The following KCNMA1 variants were observed in gnomAD, a reference collection of about 807,000 sequenced individuals.
The protein encoded by KCNMA1 is Calcium-activated potassium channel subunit alpha-1.
Under a neutral mutation model 140.0 loss-of-function variants are expected in KCNMA1, and 29 were observed. That is an observed-to-expected ratio of 0.21 (90% CI 0.15 to 0.28). The LOEUF (loss-of-function observed/expected upper bound fraction) is 0.28. Ranked by LOEUF, KCNMA1 falls within the 10% of genes least tolerant of loss-of-function variation. The pLI, the probability that KCNMA1 is intolerant of heterozygous loss-of-function variation, is 1.00. For synonymous variants in KCNMA1, 612 were observed against 611.9 expected, an observed-to-expected ratio of 1.00 and a Z score of 0.00; for missense variants, 880 against 1,602.2, an observed-to-expected ratio of 0.55 and a Z score of 7.70.
intron 6 of KCNMA1, among the ~76,000 whole-genome samples, chr10:77,114,494 C>T (rs752278269): frequency 1.3e-5 from 2 of 152,214 alleles, no homozygotes; most frequent in South Asian, 4.1e-4. Flanking sequence ...CTTGTGAAGT[C>T]CCAGTCTCTC....
At chr10:77,117,013 A>G (rs1014016025) in intron 6 of KCNMA1, among the ~76,000 whole-genome samples, 1 of 152,160 alleles carries the variant, frequency 6.6e-6, no homozygotes, top group East Asian at 1.9e-4. Context: ...TACAAACTTT[A>G]TCTTGGAGCC....
At chr10:77,125,418 G>C (rs1179413197) in intron 5 of KCNMA1, among the ~76,000 whole-genome samples, 1 of 152,178 alleles carries the variant, frequency 6.6e-6, no homozygotes. Flanking sequence ...GTATGCTACT[G>C]CCCCAGGGCC....
At chr10:77,142,512 C>A (rs186364230) in intron 5 of KCNMA1, among the ~76,000 whole-genome samples, 2 of 152,038 alleles carry the variant, frequency 1.3e-5, no homozygotes, top group African/African-American at 4.8e-5. Context: ...GACATACATA[C>A]GCAAAAGGGC....
intron 1 of KCNMA1, chr10:77,635,288 A>G (rs2093628951): frequency 6.6e-6 from 1 of 152,248 alleles, no homozygotes; most frequent in South Asian, 2.1e-4. Context: ...TAACATAAAA[A>G]GACTTTGGAA....
chr10:77,356,922 T>TGC (rs2093541545), intron 2 of KCNMA1, among the ~76,000 whole-genome samples: 1 of 152,230 alleles, frequency 6.6e-6, no homozygotes, highest in Non-Finnish European at 1.5e-5. Context: ...CTAGGACTTT[T>TGC]GCTGGAACTA....
rs562550756 is a variant in KCNMA1 at position 77,547,584 on chromosome 10, C to T, written c.378+89681G>A. Among the ~76,000 whole-genome samples the T allele has an allele frequency of 2.8e-4, 42 of 152,328 alleles. No homozygotes were observed. The East Asian group carries it at 7.5e-3, about 27-fold the overall frequency. Reference sequence around the variant, plus strand: ...GATCAACAGAAATTTGGGGTGAAAGCCTGCTTTTCTCCATGCAGTAAGGCA... The same window carrying T: ...GATCAACAGAAATTTGGGGTGAAAGTCTGCTTTTCTCCATGCAGTAAGGCA... On this transcript the variant is annotated intron_variant, in intron 1 of 27. Coordinates refer to ENST00000286628, the MANE Select transcript of KCNMA1 (RefSeq NM_001161352.2).
intron 18 of KCNMA1, chr10:77,008,246 A>G: frequency 6.6e-7 from 1 of 1,512,074 alleles, no homozygotes; most frequent in South Asian, 1.2e-5. Context: ...GGCAGCAAAG[A>G]GAAAAAAAAT....
At chr10:77,575,216 G>A (rs1567646643) in intron 1 of KCNMA1, among the ~76,000 whole-genome samples, 2 of 152,312 alleles carry the variant, frequency 1.3e-5, no homozygotes, top group Middle Eastern at 3.4e-3. Flanking sequence ...GGACAGTGCT[G>A]ACAGCATCAG....
chr10:77,497,020 C>T lies in KCNMA1; in HGVS notation c.379-92997G>A, dbSNP rs574308809. ...GACCAGGCAAACAAAAGGACCCAGG[C>T]GAACAAAAGGACCAGTGTTGCCCAA... On this transcript the variant is annotated intron_variant, in intron 1 of 27. Transcript: ENST00000286628. Among the ~76,000 whole-genome samples the T allele has an allele frequency of 7.9e-5, 12 of 152,308 alleles. 1 individual carries two copies. The South Asian group carries it at 8.3e-4, about 11-fold the overall frequency.
At chr10:77,225,514 G>C (rs974977473) in intron 3 of KCNMA1, among the ~76,000 whole-genome samples, 1 of 152,152 alleles carries the variant, frequency 6.6e-6, no homozygotes, top group Non-Finnish European at 1.5e-5. Flanking sequence ...AGTGTCCCCA[G>C]TAATTCTCTA....
Position 76,885,263 on chromosome 10 carries a change from T to A in KCNMA1, c.*2003A>T, listed in dbSNP as rs2036375706. 1.8e-6 allele frequency: 1 copy of A among 551,676 alleles called. No homozygotes were observed. Among genetic ancestry groups the A allele is most frequent in the African/African-American group, 2.1e-5 (1 of 47,860 alleles). 34.2% of individuals were successfully genotyped at this position (551,676 alleles called of 1,614,324 possible). A position where few individuals can be genotyped will look rare whatever the true frequency, so the allele number is the denominator to read the frequency against. On this transcript the variant is annotated 3_prime_UTR_variant, in exon 28 of 28. Coordinates refer to ENST00000286628, the MANE Select transcript of KCNMA1 (RefSeq NM_001161352.2). ...GTTATATATATATAATTATATATAG[T>A]TTATATAAAGAGATAGTTATACATA... is the stretch of plus-strand genomic sequence containing the variant.
intron 1 of KCNMA1, among the ~76,000 whole-genome samples, chr10:77,527,673 C>T (rs1000078231): frequency 7.2e-5 from 11 of 152,168 alleles, no homozygotes; most frequent in African/African-American, 2.4e-4. Context: ...GCCCATAAAC[C>T]ATTTCCATTT....
At chr10:76,893,786 G>A (rs1030133027) in intron 25 of KCNMA1, among the ~76,000 whole-genome samples, 3 of 151,656 alleles carry the variant, frequency 2.0e-5, no homozygotes, top group East Asian at 3.9e-4. Flanking sequence ...ATTGAAGGAG[G>A]AACAAGACTG....
intron 20 of KCNMA1, among the ~76,000 whole-genome samples, chr10:76,957,020 C>T (rs1032450705): frequency 2.5e-4 from 36 of 146,492 alleles, no homozygotes; most frequent in African/African-American, 8.9e-4. Flanking sequence ...CTACTCTACT[C>T]GGGAGGCTGA....
chr10:77,102,713 T>C (rs567081731), intron 9 of KCNMA1, among the ~76,000 whole-genome samples: 2 of 152,360 alleles, frequency 1.3e-5, no homozygotes, highest in South Asian at 4.1e-4. Flanking sequence ...AAGCGTTAGT[T>C]AGCATCTCCT....
intron 2 of KCNMA1, among the ~76,000 whole-genome samples, chr10:77,307,801 G>A (rs543523594): frequency 2.6e-5 from 4 of 152,134 alleles, no homozygotes; most frequent in East Asian, 1.9e-4. Flanking sequence ...CACCCTCCTC[G>A]GCCTCCCAAA....
chr10:77,459,181 T>C (rs1331152920), intron 1 of KCNMA1, among the ~76,000 whole-genome samples: 2 of 152,172 alleles, frequency 1.3e-5, no homozygotes, highest in Admixed American at 1.3e-4. Flanking sequence ...CCTGGGGGCA[T>C]GGGCAGGGCA....
chr10:77,408,277 C>T lies in KCNMA1; in HGVS notation c.379-4254G>A, dbSNP rs534128771. Among the ~76,000 whole-genome samples the T allele has an allele frequency of 4.0e-5, 6 of 150,682 alleles. No individual in the cohort carries two copies. The East Asian group carries it at 1.2e-3, about 29-fold the overall frequency. ...AAATAGCAAAGGGGATATGCAGCCA[C>T]GCCCAAACCTTCCACCTCCCACTGC... On this transcript the variant is annotated intron_variant, in intron 1 of 27. Transcript: ENST00000286628.
chr10:77,027,871 T>C lies in KCNMA1; in HGVS notation c.1880A>G (p.Lys627Arg), dbSNP rs1555142864. The C allele has an allele frequency of 1.9e-6, 3 of 1,613,854 alleles. No individual in the cohort carries two copies. Among genetic ancestry groups the C allele is most frequent in the Non-Finnish European group, 1.7e-6 (2 of 1,179,910 alleles). ...TVCELCFVKL[K>R]LLMIAIEYKS... ...GTACTCAATGGCTATCATTAGGAGCTTGAGCTTCACAAAACACAGCCTGCA... is the reference window on the plus strand; with the variant it reads ...GTACTCAATGGCTATCATTAGGAGCCTGAGCTTCACAAAACACAGCCTGCA... Residue 627 changes from lysine to arginine, a missense_variant, in exon 16 of 28, where the codon AAG becomes AGG. Physicochemically the swap from Lys to Arg is conservative, Grantham distance 26 (BLOSUM62 2). This residue lies in a region of KCNMA1 where 198 missense variants were observed against 580.1 expected (regional missense o/e 0.34). Coordinates refer to ENST00000286628, the MANE Select transcript of KCNMA1 (RefSeq NM_001161352.2).
Sources: allele counts gnomAD v4.1 joint callset (sites outside exome capture counted in the v4.1 genomes callset), GRCh38; gene constraint gnomAD v4.1.1; regional missense constraint gnomAD v4.1.1; transcripts MANE v1.5; gene names NCBI Gene and HGNC (gene_info 2026-07-23, HGNC 2026-07-21).